Variants in MAPRE2 observed in about 807,000 individuals in gnomAD.
The protein encoded by MAPRE2 is microtubule associated protein RP/EB family member 2, also known as microtubule-associated protein RP/EB family member 2.
Under a neutral mutation model 43.2 loss-of-function variants are expected in MAPRE2, and 13 were observed. That is an observed-to-expected ratio of 0.30 (90% CI 0.20 to 0.48). The LOEUF (loss-of-function observed/expected upper bound fraction) is 0.48, where lower values mean the gene tolerates loss of function less well. Among genes scored for constraint, MAPRE2 ranks in the 20% least tolerant of loss-of-function variants. MAPRE2 has a pLI of 0.99. For synonymous variants in MAPRE2, 135 were observed against 148.8 expected, an observed-to-expected ratio of 0.91 and a Z score of 0.68; for missense variants, 161 against 400.2, an observed-to-expected ratio of 0.40 and a Z score of 5.10.
chr18:35,015,094 C>G (rs999567096), intron 2 of MAPRE2, among the ~76,000 whole-genome samples: 1 of 152,114 alleles, frequency 6.6e-6, no homozygotes, highest in African/African-American at 2.4e-5. Flanking sequence ...GACCCCTAAA[C>G]AAGAAATGTG....
chr18:35,019,632 G>A (rs1455275590), intron 2 of MAPRE2, among the ~76,000 whole-genome samples: 10 of 151,988 alleles, frequency 6.6e-5, no homozygotes, highest in Admixed American at 5.9e-4. Flanking sequence ...CATGATTGTA[G>A]ACATGTTTTA....
chr18:35,088,431 G>C (rs527332015), intron 2 of MAPRE2, among the ~76,000 whole-genome samples: 2 of 152,170 alleles, frequency 1.3e-5, no homozygotes, highest in African/African-American at 4.8e-5. Flanking sequence ...ATAGACAGAG[G>C]CCTGATAACA....
chr18:35,117,879 C>A (rs3786320), intron 4 of MAPRE2, among the ~76,000 whole-genome samples: 6,893 of 152,168 alleles, frequency 0.045, 324 homozygotes, highest in East Asian at 0.22. Context: ...GTTGAAATAA[C>A]TATTTAAAAG....
chr18:35,112,369 C>G (rs1293187741), intron 4 of MAPRE2, among the ~76,000 whole-genome samples: 2 of 152,044 alleles, frequency 1.3e-5, no homozygotes, highest in Non-Finnish European at 2.9e-5. Context: ...TAGGGTTTCT[C>G]CATGTTGGTC....
chr18:35,068,371 AAAG>A (rs1279281378), intron 1 of MAPRE2, among the ~76,000 whole-genome samples: 7 of 152,216 alleles, frequency 4.6e-5, no homozygotes, highest in African/African-American at 7.2e-5. Context: ...TCATATTGGA[AAAG>A]AAGAAGGTTA....
chr18:35,128,552 T>G (rs937570036), intron 5 of MAPRE2, among the ~76,000 whole-genome samples: 6 of 152,218 alleles, frequency 3.9e-5, no homozygotes, highest in Non-Finnish European at 8.8e-5. Context: ...GTATTATAAG[T>G]AATGTAGAGA....
At chr18:35,136,936 T>C (rs891286609) in intron 6 of MAPRE2, among the ~76,000 whole-genome samples, 1 of 152,258 alleles carries the variant, frequency 6.6e-6, no homozygotes, top group Non-Finnish European at 1.5e-5. Context: ...TAGGTGATGC[T>C]CTGGTGCATT....
At chr18:35,007,213 G>A (rs1015263664) in intron 2 of MAPRE2, among the ~76,000 whole-genome samples, 15 of 152,106 alleles carry the variant, frequency 9.9e-5, no homozygotes, top group African/African-American at 2.4e-4. Flanking sequence ...TCCATATGTC[G>A]GGTCTGTATG....
chr18:35,131,854 G>A (rs977585765), intron 5 of MAPRE2, 178 bp from the exon 6 acceptor site: 4 of 609,662 alleles, frequency 6.6e-6, no homozygotes, highest in African/African-American at 1.9e-5. Flanking sequence ...AGAATTGGAC[G>A]TTTTGGCCCA....
At chr18:35,070,921 G>A (rs1040183347) in intron 2 of MAPRE2, among the ~76,000 whole-genome samples, 15 of 151,940 alleles carry the variant, frequency 9.9e-5, no homozygotes, top group African/African-American at 3.6e-4. Flanking sequence ...TTAAAATCTG[G>A]TTCACCTGCC....
intron 2 of MAPRE2, among the ~76,000 whole-genome samples, chr18:35,013,330 G>T (rs2150583941): frequency 6.6e-6 from 1 of 152,290 alleles, no homozygotes; most frequent in African/African-American, 2.4e-5. Context: ...CCTGGAGGCA[G>T]CCAGTGGACA....
At chr18:35,008,985 C>CATATAT (rs536484480) in intron 2 of MAPRE2, among the ~76,000 whole-genome samples, 10 of 149,630 alleles carry the variant, frequency 6.7e-5, no homozygotes, top group African/African-American at 2.0e-4. Context: ...TGTGTGTGTA[C>CATATAT]ATATATATAT....
chr18:35,064,731 TAC>T (rs1906747765), intron 1 of MAPRE2, among the ~76,000 whole-genome samples: 1 of 152,186 alleles, frequency 6.6e-6, no homozygotes, highest in Admixed American at 6.5e-5. Flanking sequence ...TAAGCAGAAA[TAC>T]AGTGTCTAAT....
At chr18:35,134,433 ATT>A (rs1910295494) in intron 6 of MAPRE2, among the ~76,000 whole-genome samples, 1 of 152,354 alleles carries the variant, frequency 6.6e-6, no homozygotes, top group East Asian at 1.9e-4. Flanking sequence ...GAGGTGAGTA[ATT>A]ACTTATCTAC....
At chr18:35,041,373 G>C, upstream of MAPRE2, 1 of 1,467,234 alleles carries the variant, frequency 6.8e-7, no homozygotes. Flanking sequence ...AGCTGCCAGA[G>C]GGCGGGGCCG....
At chr18:34,979,840 C>A (rs1339466320) in intron 1 of MAPRE2, among the ~76,000 whole-genome samples, 1 of 152,044 alleles carries the variant, frequency 6.6e-6, no homozygotes, top group East Asian at 1.9e-4. Context: ...CCAGGATAAC[C>A]TGTTATCTCT....
rs1358309614 is a variant in MAPRE2, at chr18:35,057,917, C to T, written c.123-12278C>T. On this transcript the variant is annotated intron_variant, in intron 1 of 6. Coordinates refer to ENST00000300249, the MANE Select transcript of MAPRE2 (RefSeq NM_014268.4). ...ACCAACTTAGCTGAACATCGTTTAT[C>T]TTAGCTCAGCTGTAGCAATGACCAA... Among the ~76,000 whole-genome samples the T allele has an allele frequency of 3.3e-5, 5 of 152,196 alleles. No individual in the cohort carries two copies. The East Asian group carries it at 9.6e-4, about 29-fold the overall frequency.
At chr18:34,985,336 A>AT (rs1265242180) in intron 1 of MAPRE2, among the ~76,000 whole-genome samples, 14 of 45,082 alleles carry the variant, frequency 3.1e-4, no homozygotes, top group African/African-American at 5.7e-4. Flanking sequence ...AATATAATAT[A>AT]TAATATATTA....
intron 4 of MAPRE2, among the ~76,000 whole-genome samples, chr18:35,107,779 C>T (rs1908977520): frequency 6.6e-6 from 1 of 151,922 alleles, no homozygotes; most frequent in African/African-American, 2.4e-5. Context: ...TACCTAATAC[C>T]AGTGTCAGAG....
Sources: gnomAD v4.1 joint callset for allele counts (sites outside exome capture counted in the v4.1 genomes callset) on GRCh38, gnomAD v4.1.1 for gene constraint, MANE v1.5 for transcripts, NCBI Gene and HGNC (gene_info 2026-07-23, HGNC 2026-07-21) for gene names.